KCNQ3: variants seen among roughly 807,000 people sequenced by gnomAD.
KCNQ3 encodes potassium voltage-gated channel subfamily Q member 3, also known as potassium voltage-gated channel subfamily KQT member 3.
Under a neutral mutation model 92.5 loss-of-function variants are expected in KCNQ3, and 30 were observed. The ratio of observed to expected loss-of-function variants is 0.32; its 90% CI spans 0.24 to 0.44. KCNQ3 has a LOEUF of 0.44. Ranked by LOEUF, KCNQ3 falls within the 20% of genes least tolerant of loss-of-function variation. The probability of loss-of-function intolerance (pLI) is 1.00; values close to 1 mark genes in which losing one functional copy is unlikely to be tolerated. For synonymous variants in KCNQ3, 450 were observed against 468.8 expected (o/e 0.96, Z 0.52); for missense variants, 913 against 1,140.3 (o/e 0.80, Z 2.87).
chr8:132,306,001 A>G (rs1817410807), intron 1 of KCNQ3, among the ~76,000 whole-genome samples: 1 of 152,080 alleles, frequency 6.6e-6, no homozygotes, highest in African/African-American at 2.4e-5. Flanking sequence ...TTCCCTGGGC[A>G]TCTTCTTAGA....
At chr8:132,197,471 C>T (rs920353976) in intron 1 of KCNQ3, among the ~76,000 whole-genome samples, 6 of 152,192 alleles carry the variant, frequency 3.9e-5, no homozygotes, top group Non-Finnish European at 7.3e-5. Flanking sequence ...AGTCACATTC[C>T]TTTCTCCCTG....
intron 1 of KCNQ3, among the ~76,000 whole-genome samples, chr8:132,373,107 A>C (rs1489038350): frequency 6.6e-6 from 1 of 152,126 alleles, no homozygotes; most frequent in African/African-American, 2.4e-5. Flanking sequence ...TCCCAGCCCC[A>C]TGCAGGCCTT....
intron 1 of KCNQ3, among the ~76,000 whole-genome samples, chr8:132,392,267 G>C (rs1820067288): frequency 6.6e-6 from 1 of 152,066 alleles, no homozygotes. Flanking sequence ...CTCCTGCCTT[G>C]GATTAAAAGT....
chr8:132,391,202 G>A (rs1820038433), intron 1 of KCNQ3, among the ~76,000 whole-genome samples: 1 of 152,148 alleles, frequency 6.6e-6, no homozygotes, highest in African/African-American at 2.4e-5. Flanking sequence ...ATGCTATTTT[G>A]AGCCAAGACT....
At chr8:132,474,110 G>A (rs987835717) in intron 1 of KCNQ3, among the ~76,000 whole-genome samples, 2 of 152,150 alleles carry the variant, frequency 1.3e-5, no homozygotes, top group African/African-American at 4.8e-5. Flanking sequence ...CCAAGATGAA[G>A]CCAGCATCTT....
intron 1 of KCNQ3, among the ~76,000 whole-genome samples, chr8:132,354,627 C>T (rs2130710764): frequency 6.6e-6 from 1 of 152,324 alleles, no homozygotes; most frequent in Admixed American, 6.5e-5. Flanking sequence ...TCAGACTCCC[C>T]ATATCCATAC....
At chr8:132,418,562 G>A (rs1820882001) in intron 1 of KCNQ3, among the ~76,000 whole-genome samples, 1 of 152,190 alleles carries the variant, frequency 6.6e-6, no homozygotes, top group Admixed American at 6.5e-5. Flanking sequence ...AAGGCAGGTG[G>A]ATCACTTGAG....
At chr8:132,454,577 A>G (rs1424242035) in intron 1 of KCNQ3, among the ~76,000 whole-genome samples, 1 of 152,200 alleles carries the variant, frequency 6.6e-6, no homozygotes, top group African/African-American at 2.4e-5. Context: ...GGAATGAAAG[A>G]ACTGCCCAAA....
At chr8:132,206,660 A>T (rs1813667544) in intron 1 of KCNQ3, among the ~76,000 whole-genome samples, 2 of 152,184 alleles carry the variant, frequency 1.3e-5, no homozygotes. Flanking sequence ...ACCACTAATG[A>T]TCCTTTGAAT....
At chr8:132,459,656 G>T (rs1277183276) in intron 1 of KCNQ3, among the ~76,000 whole-genome samples, 1 of 151,998 alleles carries the variant, frequency 6.6e-6, no homozygotes, top group Non-Finnish European at 1.5e-5. Context: ...TGTAGTTTGA[G>T]GGTACAAATA....
intron 1 of KCNQ3, among the ~76,000 whole-genome samples, chr8:132,288,049 C>T (rs1431445175): frequency 6.6e-6 from 1 of 152,180 alleles, no homozygotes; most frequent in Non-Finnish European, 1.5e-5. Flanking sequence ...TTTCCTTCTT[C>T]TTGTATGCAT....
intron 2 of KCNQ3, 113 bp from the exon 3 acceptor site, chr8:132,184,480 T>C (rs1826896416): frequency 8.0e-7 from 1 of 1,247,992 alleles, no homozygotes; most frequent in African/African-American, 1.5e-5. Context: ...TTGCTGGTTG[T>C]CTGGTTGGCA....
intron 8 of KCNQ3, among the ~76,000 whole-genome samples, chr8:132,164,395 G>A (rs1437864148): frequency 6.6e-6 from 1 of 151,768 alleles, no homozygotes; most frequent in African/African-American, 2.4e-5. Flanking sequence ...GCACGTGAGA[G>A]TGCTCACTAA....
chr8:132,312,896 A>G (rs1817636852), intron 1 of KCNQ3, among the ~76,000 whole-genome samples: 1 of 152,228 alleles, frequency 6.6e-6, no homozygotes, highest in African/African-American at 2.4e-5. Flanking sequence ...AGTTCTTTAT[A>G]GCAGTGTGAG....
chr8:132,303,875 T>C (rs1817335446), intron 1 of KCNQ3, among the ~76,000 whole-genome samples: 1 of 151,042 alleles, frequency 6.6e-6, no homozygotes, highest in South Asian at 2.1e-4. Flanking sequence ...CACATATATA[T>C]ACACATATAA....
intron 1 of KCNQ3, among the ~76,000 whole-genome samples, chr8:132,231,482 TTAAA>T (rs1306080846): frequency 5.3e-5 from 8 of 152,282 alleles, no homozygotes; most frequent in African/African-American, 1.2e-4. Context: ...GTTATTAGGG[TTAAA>T]TAAAGACACA....
At position 132,293,920 on chromosome 8, in the gene KCNQ3, A is replaced by T. The variant is rs1002179464; in HGVS notation, c.387-107739T>A. 4.6e-5 allele frequency among the ~76,000 whole-genome samples: 7 copies of T among 151,956 alleles called. No homozygotes were observed. In the South Asian group the frequency reaches 1.2e-3, roughly 27 times the overall value. ...CTCCTCCATCAACCATGTTACTGAAATTAGATTCCTCATAGGTTCTGAGAT... is the reference window on the plus strand; with the variant it reads ...CTCCTCCATCAACCATGTTACTGAATTTAGATTCCTCATAGGTTCTGAGAT... On this transcript the variant is annotated intron_variant, in intron 1 of 14. Transcript: ENST00000388996.
At chr8:132,154,996 T>C (rs1205971468) in intron 9 of KCNQ3, among the ~76,000 whole-genome samples, 1 of 152,178 alleles carries the variant, frequency 6.6e-6, no homozygotes, top group Non-Finnish European at 1.5e-5. Flanking sequence ...TCAGTGTAAA[T>C]CTACTTAGCC....
At chr8:132,475,081 G>A (rs139431811) in intron 1 of KCNQ3, among the ~76,000 whole-genome samples, 57 of 152,252 alleles carry the variant, frequency 3.7e-4, no homozygotes, top group African/African-American at 1.3e-3. Context: ...CTGGCACCAC[G>A]TAAGACATTC....
Sources: allele counts gnomAD v4.1 joint callset (sites outside exome capture counted in the v4.1 genomes callset), GRCh38; gene constraint gnomAD v4.1.1; transcripts MANE v1.5; gene names NCBI Gene and HGNC (gene_info 2026-07-23, HGNC 2026-07-21).